TMEM135: variants seen among roughly 807,000 people sequenced by gnomAD.
The protein encoded by TMEM135 is transmembrane protein 135.
A neutral mutation model predicts 60.3 loss-of-function variants in TMEM135; 30 were observed. The observed-to-expected ratio is 0.50, with a 90% CI of 0.37 to 0.68. The LOEUF (loss-of-function observed/expected upper bound fraction) is 0.68. Among genes scored for constraint, TMEM135 ranks in the 30% least tolerant of loss-of-function variants. The pLI is 0.00. For synonymous variants in TMEM135, 190 were observed against 186.7 expected (o/e 1.02, Z -0.14); for missense variants, 468 against 548.8 (o/e 0.85, Z 1.47).
intron 5 of TMEM135, among the ~76,000 whole-genome samples, chr11:87,219,705 T>TA (rs1458830696): frequency 3.9e-5 from 6 of 152,280 alleles, no homozygotes; most frequent in African/African-American, 1.4e-4. Flanking sequence ...TATGAATTTT[T>TA]GGGGGACACA....
At chr11:87,239,639 G>A (rs1941085724) in intron 6 of TMEM135, among the ~76,000 whole-genome samples, 1 of 151,890 alleles carries the variant, frequency 6.6e-6, no homozygotes, top group South Asian at 2.1e-4. Context: ...AAGAGGATAG[G>A]GAAGAATTTT....
At chr11:87,247,695 T>A (rs1348784062) in intron 6 of TMEM135, among the ~76,000 whole-genome samples, 1 of 152,220 alleles carries the variant, frequency 6.6e-6, no homozygotes, top group Non-Finnish European at 1.5e-5. Flanking sequence ...CGCCGTTTTT[T>A]AAGCCTGTCG....
At chr11:87,118,720 G>A (rs188024195) in intron 4 of TMEM135, among the ~76,000 whole-genome samples, 160 of 152,236 alleles carry the variant, frequency 1.1e-3, no homozygotes, top group African/African-American at 3.7e-3. Flanking sequence ...GGGATTACAG[G>A]CGTGAGCCAC....
intron 4 of TMEM135, among the ~76,000 whole-genome samples, chr11:87,152,820 C>T (rs1729297283): frequency 6.6e-6 from 1 of 152,096 alleles, no homozygotes; most frequent in Admixed American, 6.5e-5. Flanking sequence ...TTATTCTTTT[C>T]TTCTGTTTAA....
At chr11:87,247,200 C>A (rs185859620) in intron 6 of TMEM135, among the ~76,000 whole-genome samples, 8 of 152,104 alleles carry the variant, frequency 5.3e-5, no homozygotes, top group Non-Finnish European at 1.0e-4. Flanking sequence ...GATGTCTGAT[C>A]GTTCCTCTGG....
chr11:87,234,064 A>G (rs1940943147), intron 5 of TMEM135, among the ~76,000 whole-genome samples: 1 of 152,070 alleles, frequency 6.6e-6, no homozygotes, highest in Non-Finnish European at 1.5e-5. Flanking sequence ...TAACAAACAT[A>G]TTTTGCATTA....
At chr11:87,064,862 G>A (rs1027910431) in intron 1 of TMEM135, among the ~76,000 whole-genome samples, 2 of 152,112 alleles carry the variant, frequency 1.3e-5, no homozygotes, top group East Asian at 3.9e-4. Context: ...TCCAGCCTGG[G>A]CAACAGAGCG....
chr11:87,262,166 C>G (rs1047885735), intron 6 of TMEM135, among the ~76,000 whole-genome samples: 30 of 151,932 alleles, frequency 2.0e-4, no homozygotes, highest in African/African-American at 6.3e-4. Context: ...ACTGTACAAC[C>G]ATGAACATTG....
chr11:87,328,197 C>T lies in TMEM135; in HGVS notation c.*6864C>T, dbSNP rs1305409841. The stretch of plus-strand genomic sequence containing the variant: ...TTCTGTATAGATCAGATCTCAGTTT[C>T]ATTTCCCATTATATCCTTCTCTCTC... On this transcript the variant is annotated 3_prime_UTR_variant, in exon 15 of 15. Transcript: ENST00000305494. 6.6e-6 allele frequency: 3 copies of T among 453,950 alleles called. No homozygotes were observed. Among genetic ancestry groups the T allele is most frequent in the African/African-American group, 6.0e-5 (3 of 50,012 alleles). 28.1% of individuals were successfully genotyped at this position (453,950 alleles called of 1,614,324 possible).
At chr11:87,284,078 T>A (rs1265919382) in intron 6 of TMEM135, among the ~76,000 whole-genome samples, 1 of 151,946 alleles carries the variant, frequency 6.6e-6, no homozygotes, top group Non-Finnish European at 1.5e-5. Context: ...TTAAGACACT[T>A]GCTAAATTTT....
chr11:87,313,765 T>G lies in TMEM135; in HGVS notation c.1000+277T>G, dbSNP rs151160682. Reference sequence around the variant, plus strand: ...GTGTCACAAAAGAATATAAAAAGCCTTATATTTATATTTGCCATATAAGTG... The same window carrying G: ...GTGTCACAAAAGAATATAAAAAGCCGTATATTTATATTTGCCATATAAGTG... On this transcript the variant is annotated intron_variant, in intron 11 of 14. Coordinates refer to ENST00000305494, the MANE Select transcript of TMEM135 (RefSeq NM_022918.4). Among the ~76,000 whole-genome samples the G allele has an allele frequency of 2.8e-3, 428 of 151,934 alleles. 3 individuals carry two copies. The highest frequency in any genetic ancestry group is 1.0e-2 in the African/African-American group (414 of 41,560).
At chr11:87,256,912 A>G (rs531578278) in intron 6 of TMEM135, among the ~76,000 whole-genome samples, 4 of 151,172 alleles carry the variant, frequency 2.6e-5, no homozygotes, top group African/African-American at 9.7e-5. Context: ...CTCCTTCCAC[A>G]CATTTGTGTG....
chr11:87,238,878 A>C (rs911979887), intron 6 of TMEM135, among the ~76,000 whole-genome samples: 5 of 152,058 alleles, frequency 3.3e-5, no homozygotes, highest in Admixed American at 3.3e-4. Flanking sequence ...TTTTCGTGAA[A>C]ATTCCTAACA....
chr11:87,190,568 T>TA (rs1003947468), intron 5 of TMEM135, among the ~76,000 whole-genome samples: 33 of 148,860 alleles, frequency 2.2e-4, no homozygotes, highest in Non-Finnish European at 2.7e-4. Context: ...AAAGTTGCCT[T>TA]AAAAAAAAAA....
At chr11:87,189,722 A>G (rs1397516875) in intron 5 of TMEM135, among the ~76,000 whole-genome samples, 1 of 151,184 alleles carries the variant, frequency 6.6e-6, no homozygotes, top group African/African-American at 2.4e-5. Context: ...GTTTGAGACT[A>G]GCCTGGGCTC....
intron 4 of TMEM135, among the ~76,000 whole-genome samples, chr11:87,126,957 G>A (rs61904213): frequency 2.6e-5 from 4 of 152,116 alleles, no homozygotes; most frequent in African/African-American, 9.6e-5. Flanking sequence ...ATTGGAATCT[G>A]TTACATCCTT....
At chr11:87,118,936 G>T (rs547477847) in intron 4 of TMEM135, among the ~76,000 whole-genome samples, 1 of 152,336 alleles carries the variant, frequency 6.6e-6, no homozygotes, top group South Asian at 2.1e-4. Context: ...TGAAGGGAAT[G>T]TTGTGGTTGG....
intron 5 of TMEM135, among the ~76,000 whole-genome samples, chr11:87,221,282 T>C (rs1337330657): frequency 6.6e-6 from 1 of 152,200 alleles, no homozygotes; most frequent in African/African-American, 2.4e-5. Flanking sequence ...AAAAACCAGC[T>C]AAAGTGGAGA....
chr11:87,310,690 G>T (rs1431052641), intron 10 of TMEM135, among the ~76,000 whole-genome samples: 1 of 151,864 alleles, frequency 6.6e-6, no homozygotes, highest in East Asian at 1.9e-4. Context: ...GAGGACACAG[G>T]GAGAAGGTGG....
Sources: allele counts gnomAD v4.1 joint callset (sites outside exome capture counted in the v4.1 genomes callset), GRCh38; gene constraint gnomAD v4.1.1; transcripts MANE v1.5; gene names NCBI Gene and HGNC (gene_info 2026-07-23, HGNC 2026-07-21).